The following TTC7B variants were observed in gnomAD, a reference collection of about 807,000 sequenced individuals.
TTC7B encodes tetratricopeptide repeat domain 7B.
Under a neutral mutation model 106.8 loss-of-function variants are expected in TTC7B, and 28 were observed. The ratio of observed to expected loss-of-function variants is 0.26; its 90% CI spans 0.19 to 0.36. The LOEUF (loss-of-function observed/expected upper bound fraction) is 0.36. Among genes scored for constraint, TTC7B ranks in the 10% least tolerant of loss-of-function variants. The pLI is 1.00. For missense variants in TTC7B, 862 were observed against 1,076.4 expected (o/e 0.80, Z 2.79); for synonymous variants, 405 against 430.6 (o/e 0.94, Z 0.74).
Position 90,577,955 on chromosome 14 carries a change from C to G in TTC7B, c.2310+151G>C, listed in dbSNP as rs1268308641. The G allele has an allele frequency of 2.4e-5, 23 of 959,560 alleles. No homozygotes were observed. The allele number at this position is 959,560 out of a possible 1,614,324, so 59.4% of individuals were successfully genotyped here. On this transcript the variant is annotated intron_variant, in intron 19 of 19. Coordinates refer to ENST00000328459, the MANE Select transcript of TTC7B (RefSeq NM_001010854.2). This position sits in a 1 kb window ranked among gnomAD's most constrained non-coding sequence, Gnocchi z 5.0. ...TGCATAAACTATGGTAGAAACGGTG[C>G]CCTCTGGCTTCAGGCCATGTGACAG...
intron 19 of TTC7B, among the ~76,000 whole-genome samples, chr14:90,572,185 C>T (rs749173463): frequency 3.9e-5 from 6 of 152,166 alleles, no homozygotes; most frequent in South Asian, 2.1e-4. Flanking sequence ...CAGCTCATCA[C>T]GCATAATGGG....
intron 1 of TTC7B, among the ~76,000 whole-genome samples, chr14:90,792,343 G>A (rs769456652): frequency 2.6e-5 from 4 of 152,092 alleles, no homozygotes; most frequent in Non-Finnish European, 5.9e-5. Context: ...TTGGGAGGCC[G>A]AGGCAGGTGG....
chr14:90,655,973 G>T (rs745467), intron 11 of TTC7B, among the ~76,000 whole-genome samples: 1 of 151,994 alleles, frequency 6.6e-6, no homozygotes, highest in Admixed American at 6.6e-5. Context: ...GAACTGGCAC[G>T]TTCCAAATGC....
intron 4 of TTC7B, among the ~76,000 whole-genome samples, chr14:90,741,814 A>G (rs1889777637): frequency 6.6e-6 from 1 of 152,172 alleles, no homozygotes; most frequent in Non-Finnish European, 1.5e-5. Context: ...ATCAACAGTT[A>G]GTTTCTTGAG....
chr14:90,663,538 CT>C lies in TTC7B; in HGVS notation c.1153-5152del. 6.6e-6 allele frequency among the ~76,000 whole-genome samples: 1 copy of C among 152,246 alleles called. No homozygotes were observed. Among genetic ancestry groups the C allele is most frequent in the South Asian group, 2.1e-4 (1 of 4,832 alleles). Reference sequence around the variant, plus strand: ...CTAGTAGAAGTGTCAATCAACTTTACTGATCCCACGATATCCACCAGCACCA... The same window carrying C: ...CTAGTAGAAGTGTCAATCAACTTTACGATCCCACGATATCCACCAGCACCA... On this transcript the variant is annotated intron_variant, in intron 9 of 19. Transcript: ENST00000328459. The surrounding 1 kb of genome is among the most constrained non-coding windows in gnomAD (Gnocchi z 4.5).
At chr14:90,810,712 A>G (rs946976491) in intron 1 of TTC7B, among the ~76,000 whole-genome samples, 2 of 152,218 alleles carry the variant, frequency 1.3e-5, no homozygotes, top group Non-Finnish European at 2.9e-5. Context: ...AAACTGCTAC[A>G]CAGCATAATC....
At chr14:90,790,397 T>A (rs1891545346) in intron 1 of TTC7B, among the ~76,000 whole-genome samples, 1 of 152,178 alleles carries the variant, frequency 6.6e-6, no homozygotes, top group African/African-American at 2.4e-5. Flanking sequence ...ATGTAGAACT[T>A]CTTTTCTGTA....
intron 5 of TTC7B, among the ~76,000 whole-genome samples, chr14:90,711,578 T>C (rs1356793264): frequency 2.6e-5 from 4 of 152,218 alleles, no homozygotes; most frequent in Non-Finnish European, 5.9e-5. Context: ...CCCACCACCA[T>C]GCCCAGATAA....
At position 90,539,606 on chromosome 14, in the gene TTC7B, G is replaced by A. The variant is rs1022735833; in HGVS notation, c.*1762C>T. On this transcript the variant is annotated 3_prime_UTR_variant, in exon 20 of 20. Coordinates refer to ENST00000328459, the MANE Select transcript of TTC7B (RefSeq NM_001010854.2). ...CCGCCTGCCTCAGTGAGCCAGAGAG[G>A]TCGTGCCCAGTTTGAATGCAGTCCT... 2 of 152,374 alleles carry A rather than the reference G, an allele frequency of 1.3e-5. No individual in the cohort carries two copies. Among genetic ancestry groups the A allele is most frequent in the African/African-American group, 4.8e-5 (2 of 41,470 alleles). 9.4% of individuals were successfully genotyped at this position (152,374 alleles called of 1,614,324 possible). A position where few individuals can be genotyped will look rare whatever the true frequency, so the allele number is the denominator to read the frequency against.
chr14:90,592,414 A>G (rs1157587652), intron 18 of TTC7B, among the ~76,000 whole-genome samples: 2 of 152,220 alleles, frequency 1.3e-5, no homozygotes, highest in African/African-American at 4.8e-5. Context: ...CTCGTTATTA[A>G]AATGCCTGCA....
chr14:90,562,013 T>G (rs1380562454), intron 19 of TTC7B, among the ~76,000 whole-genome samples: 1 of 152,238 alleles, frequency 6.6e-6, no homozygotes, highest in Non-Finnish European at 1.5e-5. Context: ...TTCTCTTTCC[T>G]GCTCTCTGGA....
intron 15 of TTC7B, among the ~76,000 whole-genome samples, chr14:90,628,449 G>T (rs1382844754): frequency 6.6e-6 from 1 of 152,188 alleles, no homozygotes; most frequent in African/African-American, 2.4e-5. Flanking sequence ...GAGGAGGGGA[G>T]CACAGTGAAG....
rs575799000 is a variant in TTC7B at position 90,536,758 on chromosome 14, C to T, written c.*4610G>A. On this transcript the variant is annotated 3_prime_UTR_variant, in exon 20 of 20. Coordinates refer to ENST00000328459, the MANE Select transcript of TTC7B (RefSeq NM_001010854.2). ...AGCCTCCCAGCTCCCACGCTGCGGC[C>T]TGCAGAATAACGTGCTCCCCCTGCC... The T allele has an allele frequency of 3.3e-5, 5 of 152,488 alleles. No homozygotes were observed. The highest frequency in any genetic ancestry group is 9.6e-5 in the African/African-American group (4 of 41,590). The allele number at this position is 152,488 out of a possible 1,614,324, so 9.4% of individuals were successfully genotyped here.
chr14:90,694,612 GTATAA>G (rs975969091), intron 6 of TTC7B, among the ~76,000 whole-genome samples: 21 of 145,714 alleles, frequency 1.4e-4, no homozygotes, highest in African/African-American at 5.3e-4. Context: ...ATAAATATAT[GTATAA>G]TATATGTCAC....
chr14:90,793,551 C>T (rs1216650477), intron 1 of TTC7B, among the ~76,000 whole-genome samples: 15 of 149,958 alleles, frequency 1.0e-4, no homozygotes, highest in Non-Finnish European at 2.1e-4. Flanking sequence ...AATCTCTTTC[C>T]TTTATAAATT....
At chr14:90,785,240 G>C (rs966262658) in intron 2 of TTC7B, among the ~76,000 whole-genome samples, 5 of 152,228 alleles carry the variant, frequency 3.3e-5, no homozygotes, top group Admixed American at 2.6e-4. Context: ...ATGGCTTCCC[G>C]GGGGGAAGCG....
chr14:90,780,492 A>AAAGAAAGGC (rs1891182617), intron 3 of TTC7B, among the ~76,000 whole-genome samples: 1 of 152,170 alleles, frequency 6.6e-6, no homozygotes, highest in African/African-American at 2.4e-5. Flanking sequence ...GAAAGAAAGG[A>AAAGAAAGGC]AAGAAACTTT....
rs922741709 is a variant in TTC7B, at chr14:90,537,380, G to T, written c.*3988C>A. 6.7e-6 allele frequency: 1 copy of T among 149,816 alleles called. No individual in the cohort carries two copies. Among genetic ancestry groups the T allele is most frequent in the African/African-American group, 2.5e-5 (1 of 40,146 alleles). The allele number at this position is 149,816 out of a possible 1,614,324, so 9.3% of individuals were successfully genotyped here. The stretch of plus-strand genomic sequence containing the variant: ...TTTTTTTTTTTGTAGAGATGGGGGG[G>T]GGGTCTCACCATGTTGCCCAGGCTG... On this transcript the variant is annotated 3_prime_UTR_variant, in exon 20 of 20. Coordinates refer to ENST00000328459, the MANE Select transcript of TTC7B (RefSeq NM_001010854.2).
intron 3 of TTC7B, among the ~76,000 whole-genome samples, chr14:90,770,248 T>A (rs1890818728): frequency 6.6e-6 from 1 of 152,192 alleles, no homozygotes; most frequent in Non-Finnish European, 1.5e-5. Flanking sequence ...TTTACACATG[T>A]AATTACAGAC....
Sources: allele counts gnomAD v4.1 joint callset (sites outside exome capture counted in the v4.1 genomes callset), GRCh38; gene constraint gnomAD v4.1.1; non-coding constraint Gnocchi (gnomAD v3.1); transcripts MANE v1.5; gene names NCBI Gene and HGNC (gene_info 2026-07-23, HGNC 2026-07-21).